The following GUCY1A2 variants were observed in gnomAD, a reference collection of about 807,000 sequenced individuals.
GUCY1A2 encodes guanylate cyclase soluble subunit alpha-2.
In GUCY1A2, 27 loss-of-function variants were observed where a neutral mutation model predicts 63.5. That is an observed-to-expected ratio of 0.43 (90% CI 0.31 to 0.59). GUCY1A2 has a LOEUF of 0.59. Ranked by LOEUF, GUCY1A2 falls within the 20% of genes least tolerant of loss-of-function variation. The pLI is 0.11. For synonymous variants in GUCY1A2, 364 were observed against 343.5 expected, an observed-to-expected ratio of 1.06 and a Z score of -0.66; for missense variants, 768 against 913.3, an observed-to-expected ratio of 0.84 and a Z score of 2.05.
chr11:106,993,538 TA>T (rs142290359), intron 1 of GUCY1A2, among the ~76,000 whole-genome samples: 3 of 151,338 alleles, frequency 2.0e-5, no homozygotes, highest in Admixed American at 2.0e-4. Flanking sequence ...AAATAAAAAA[TA>T]AAAAAAAGAC....
At chr11:106,865,480 A>G (rs1400217994) in intron 4 of GUCY1A2, among the ~76,000 whole-genome samples, 3 of 152,024 alleles carry the variant, frequency 2.0e-5, no homozygotes, top group Non-Finnish European at 2.9e-5. Flanking sequence ...ATAAAAAAGG[A>G]TGAGTTCATG....
intron 2 of GUCY1A2, among the ~76,000 whole-genome samples, chr11:106,981,096 T>G (rs1861329080): frequency 2.0e-5 from 3 of 152,140 alleles, no homozygotes; most frequent in Admixed American, 2.0e-4. Flanking sequence ...TCTAATTTGT[T>G]TATGTTCAAA....
chr11:106,852,014 T>G (rs1266795697), intron 4 of GUCY1A2, among the ~76,000 whole-genome samples: 1 of 152,048 alleles, frequency 6.6e-6, no homozygotes. Context: ...TTGAGTCCTC[T>G]TCAATTTCTT....
chr11:106,683,442 A>T lies in GUCY1A2; in HGVS notation c.*4107T>A, dbSNP rs1862465161. 1 of 226,238 alleles carries T rather than the reference A, an allele frequency of 4.4e-6. No individual in the cohort carries two copies. Among genetic ancestry groups the T allele is most frequent in the South Asian group, 1.8e-4 (1 of 5,496 alleles). The allele number at this position is 226,238 out of a possible 1,614,324, so 14.0% of individuals were successfully genotyped here. ...GAGTCAGACTGTGTTTTGAAGAAAG[A>T]GCAGAGGGTGAAGCTGCAGATATAA... On this transcript the variant is annotated 3_prime_UTR_variant, in exon 8 of 8. Transcript: ENST00000526355.
At chr11:106,687,844 T>C (rs769592011) in intron 7 of GUCY1A2, 88 bp from the exon 8 acceptor site, 2 of 839,222 alleles carry the variant, frequency 2.4e-6, no homozygotes, top group South Asian at 1.4e-5. Flanking sequence ...AGGAAGCCTA[T>C]CTCTGACTGT....
chr11:106,777,068 T>C (rs954565913), intron 5 of GUCY1A2, among the ~76,000 whole-genome samples: 2 of 152,216 alleles, frequency 1.3e-5, no homozygotes, highest in Admixed American at 6.5e-5. Flanking sequence ...TAACGCCTAA[T>C]GTTTCTTAAA....
chr11:107,006,835 T>G (rs753311016), intron 1 of GUCY1A2, among the ~76,000 whole-genome samples: 2 of 152,220 alleles, frequency 1.3e-5, no homozygotes, highest in Non-Finnish European at 2.9e-5. Context: ...AAGGACTGAC[T>G]AACAAATTTA....
intron 1 of GUCY1A2, among the ~76,000 whole-genome samples, chr11:107,006,233 G>A (rs1861669733): frequency 6.6e-6 from 1 of 152,202 alleles, no homozygotes; most frequent in Non-Finnish European, 1.5e-5. Flanking sequence ...CAAGAAAGAA[G>A]TGAAGCAGAA....
At chr11:106,990,368 A>T (rs2510600) in intron 1 of GUCY1A2, among the ~76,000 whole-genome samples, 40,725 of 152,160 alleles carry the variant, frequency 0.27, 5,826 homozygotes, top group East Asian at 0.5. Context: ...GTTATGCTCA[A>T]GAAAGGTCAT....
chr11:106,918,045 T>C (rs1279233141), intron 4 of GUCY1A2, among the ~76,000 whole-genome samples: 1 of 144,576 alleles, frequency 6.9e-6, no homozygotes, highest in Non-Finnish European at 1.6e-5. Context: ...TAAAATAATT[T>C]AAACATTCTT....
chr11:106,703,212 T>C (rs1862848025), intron 7 of GUCY1A2, among the ~76,000 whole-genome samples: 1 of 152,152 alleles, frequency 6.6e-6, no homozygotes, highest in Non-Finnish European at 1.5e-5. Context: ...AGACGCCCTA[T>C]TGTGGGACTT....
chr11:106,877,526 C>T (rs745685937), intron 4 of GUCY1A2, among the ~76,000 whole-genome samples: 1 of 151,774 alleles, frequency 6.6e-6, no homozygotes, highest in Non-Finnish European at 1.5e-5. Flanking sequence ...ACCAAGGTGA[C>T]AAAGACAAGT....
chr11:106,916,099 A>T (rs1404610914), intron 4 of GUCY1A2, among the ~76,000 whole-genome samples: 1 of 145,920 alleles, frequency 6.9e-6, no homozygotes, highest in African/African-American at 2.4e-5. Flanking sequence ...AGCTTTCTAA[A>T]CACTAGTCCT....
At chr11:106,914,229 C>T (rs9667916) in intron 4 of GUCY1A2, among the ~76,000 whole-genome samples, 13,646 of 152,044 alleles carry the variant, frequency 0.09, 1,577 homozygotes, top group African/African-American at 0.27. Context: ...CAGATTTTCA[C>T]TGAGTGACAT....
chr11:107,013,811 C>T (rs555095500), intron 1 of GUCY1A2, among the ~76,000 whole-genome samples: 3 of 152,060 alleles, frequency 2.0e-5, no homozygotes, highest in South Asian at 2.1e-4. Flanking sequence ...CCCTAGATTT[C>T]GCCAAGACAA....
intron 3 of GUCY1A2, among the ~76,000 whole-genome samples, chr11:106,954,086 A>G (rs10890626): frequency 0.9 from 137,541 of 152,134 alleles, 62,261 homozygotes; most frequent in East Asian, 1. Context: ...TGCCTCTCTA[A>G]CTCTTTTAAT....
chr11:106,755,799 G>C (rs1195396265), intron 6 of GUCY1A2, among the ~76,000 whole-genome samples: 1 of 152,110 alleles, frequency 6.6e-6, no homozygotes, highest in Admixed American at 6.6e-5. Flanking sequence ...AGTGCAATGT[G>C]GTGCTGAGAA....
intron 4 of GUCY1A2, chr11:106,827,194 G>T (rs112722020): frequency 2.7e-6 from 4 of 1,508,372 alleles, no homozygotes; most frequent in Admixed American, 1.7e-5. Flanking sequence ...TGGTCCCAAC[G>T]CACTGCCTAC....
intron 6 of GUCY1A2, among the ~76,000 whole-genome samples, chr11:106,722,126 T>G (rs1221175502): frequency 6.6e-6 from 1 of 152,164 alleles, no homozygotes; most frequent in African/African-American, 2.4e-5. Flanking sequence ...CAAATGTTCC[T>G]CTTTCCCTCT....
Sources: gnomAD v4.1 joint callset for allele counts (sites outside exome capture counted in the v4.1 genomes callset) on GRCh38, gnomAD v4.1.1 for gene constraint, MANE v1.5 for transcripts, NCBI Gene and HGNC (gene_info 2026-07-23, HGNC 2026-07-21) for gene names.